SLF1: variants seen among roughly 807,000 people sequenced by gnomAD.
The protein encoded by SLF1 is SMC5-SMC6 complex localization factor protein 1.
SLF1 carries 105 observed loss-of-function variants against 123.0 expected under a neutral mutation model. The observed-to-expected ratio is 0.85, with a 90% CI of 0.73 to 1.00. The LOEUF (loss-of-function observed/expected upper bound fraction) is 1.00. Ranked by LOEUF, SLF1 falls within the 50% of genes least tolerant of loss-of-function variation. The pLI, the probability that SLF1 is intolerant of heterozygous loss-of-function variation, is 0.00. For missense variants in SLF1, 1,239 were observed against 1,223.0 expected (o/e 1.01, Z -0.20); for synonymous variants, 434 against 406.6 (o/e 1.07, Z -0.81).
chr5:94,620,204 T>C (rs1383744440), intron 1 of SLF1: 1 of 152,208 alleles, frequency 6.6e-6, no homozygotes. Flanking sequence ...TTAAAGGAAC[T>C]AGGATGTTCA....
intron 1 of SLF1, among the ~76,000 whole-genome samples, chr5:94,620,829 A>G (rs1791721153): frequency 6.6e-6 from 1 of 152,204 alleles, no homozygotes. Context: ...GGAACTTTTA[A>G]GTTCACTTAA....
rs1446562242 is a variant in SLF1, at chr5:94,670,685, A to AT, written c.1662-152dup. 5.9e-5 allele frequency among the ~76,000 whole-genome samples: 9 copies of AT among 151,846 alleles called. No individual in the cohort carries two copies. In the East Asian group the frequency reaches 1.7e-3, roughly 29 times the overall value. On this transcript the variant is annotated intron_variant, in intron 13 of 20. Coordinates refer to ENST00000265140, the MANE Select transcript of SLF1 (RefSeq NM_032290.4). ...TCAGTGACTTTATTGAACTGGGGCC[A>AT]TTTTTTATATTTTGTCCTTTATTAT...
chr5:94,651,053 A>G (rs1407242588), intron 6 of SLF1, among the ~76,000 whole-genome samples: 1 of 152,244 alleles, frequency 6.6e-6, no homozygotes, highest in Non-Finnish European at 1.5e-5. Flanking sequence ...TTATAGTCCC[A>G]TAAGATAATA....
intron 1 of SLF1, among the ~76,000 whole-genome samples, chr5:94,619,785 T>C (rs1585079067): frequency 1.3e-5 from 2 of 152,232 alleles, no homozygotes; most frequent in East Asian, 3.8e-4. Context: ...TTTGATTACG[T>C]ATATTGCAGG....
At position 94,663,856 on chromosome 5, in the gene SLF1, A is replaced by G. The variant is rs748502477; in HGVS notation, c.1316A>G (p.His439Arg). The G allele has an allele frequency of 9.0e-6, 14 of 1,550,826 alleles. No homozygotes were observed. The Middle Eastern group carries it at 1.2e-3, about 129-fold the overall frequency. ...GAGGAACTTTCCACTTTGCAGGCAC[A>G]TTATATCCCTCCTGTATGCGTTCTT... is the stretch of plus-strand genomic sequence containing the variant. ...AIEELSTLQA[H>R]YIPPVCVLHA... Residue 439 changes from histidine to arginine, a missense_variant, in exon 11 of 21, where the codon CAT becomes CGT. By Grantham distance (29) the His-to-Arg change is conservative (BLOSUM62 0). Transcript: ENST00000265140.
intron 15 of SLF1, among the ~76,000 whole-genome samples, chr5:94,683,687 C>T (rs1330275860): frequency 6.6e-6 from 1 of 151,974 alleles, no homozygotes; most frequent in African/African-American, 2.4e-5. Flanking sequence ...GGAAGAGAGG[C>T]CAGAATAAGG....
chr5:94,694,681 T>G, intron 20 of SLF1, 150 bp from the exon 21 acceptor site: 3 of 1,019,634 alleles, frequency 2.9e-6, no homozygotes, highest in Non-Finnish European at 4.1e-6. Flanking sequence ...TTCGTCTATA[T>G]ATATAGTCAG....
At chr5:94,686,440 A>G in intron 15 of SLF1, 133 bp from the exon 16 acceptor site, 3 of 978,116 alleles carry the variant, frequency 3.1e-6, no homozygotes, top group Non-Finnish European at 4.5e-6. Flanking sequence ...TTTGTGGATT[A>G]AAATCATGTG....
chr5:94,657,163 T>C (rs1023172585), intron 9 of SLF1, among the ~76,000 whole-genome samples: 1 of 151,770 alleles, frequency 6.6e-6, no homozygotes, highest in Non-Finnish European at 1.5e-5. Context: ...CTTTCTACTT[T>C]TTAGATATTA....
intron 9 of SLF1, among the ~76,000 whole-genome samples, chr5:94,659,328 T>C (rs1483913135): frequency 6.6e-6 from 1 of 152,200 alleles, no homozygotes; most frequent in African/African-American, 2.4e-5. Context: ...TTTTAGGAAT[T>C]TCATTGGTTT....
chr5:94,641,906 C>T (rs1746493521), intron 4 of SLF1, among the ~76,000 whole-genome samples: 2 of 152,286 alleles, frequency 1.3e-5, no homozygotes, highest in African/African-American at 4.8e-5. Context: ...AGTATTAGAT[C>T]TCTCTTGTGT....
intron 10 of SLF1, 74 bp from the exon 11 acceptor site, chr5:94,663,676 T>A: frequency 8.7e-7 from 1 of 1,149,452 alleles, no homozygotes; most frequent in Non-Finnish European, 1.2e-6. Context: ...AATAATAAAT[T>A]CTTACTAATT....
rs974169404 is a variant in SLF1, at chr5:94,621,636, G to A, written c.-1+2871G>A. Among the ~76,000 whole-genome samples, 6 of 152,010 alleles carry A rather than the reference G, an allele frequency of 3.9e-5. No homozygotes were observed. In the East Asian group the frequency reaches 7.7e-4, roughly 19 times the overall value. On this transcript the variant is annotated intron_variant, in intron 1 of 20. Coordinates refer to ENST00000265140, the MANE Select transcript of SLF1 (RefSeq NM_032290.4). Reference sequence around the variant, plus strand: ...GCTTCCTTAAGGACTCCTTCATCCCGAAATTAACATCTGCCCAGCCTGTGC... The same window carrying A: ...GCTTCCTTAAGGACTCCTTCATCCCAAAATTAACATCTGCCCAGCCTGTGC...
rs1370355256 is a variant in SLF1 at position 94,670,970 on chromosome 5, A to G, written c.1789A>G (p.Thr597Ala). The change falls in exon 14 of 21, where the codon ACT (threonine) becomes GCT (alanine). Residue 597 changes from threonine to alanine, a missense_variant. Coordinates refer to ENST00000265140, the MANE Select transcript of SLF1 (RefSeq NM_032290.4). ...TKPVNMLLEWTIYSHKEKFKS... is the reference protein window; with the variant it reads ...TKPVNMLLEWAIYSHKEKFKS... ...ACCAGTAAATATGCTTTTGGAATGG[A>G]CTATATATTCTCACAAGGAAAAATT... The G allele has an allele frequency of 1.9e-6, 3 of 1,548,876 alleles. No individual in the cohort carries two copies. The highest frequency in any genetic ancestry group is 1.2e-5 in the South Asian group (1 of 83,818).
chr5:94,634,656 T>G (rs1021124582), intron 4 of SLF1, among the ~76,000 whole-genome samples: 1 of 152,222 alleles, frequency 6.6e-6, no homozygotes, highest in Non-Finnish European at 1.5e-5. Context: ...GATAGCTCTT[T>G]AACATACTGG....
chr5:94,660,518 C>T (rs1033935630), intron 9 of SLF1, among the ~76,000 whole-genome samples: 8 of 152,186 alleles, frequency 5.3e-5, no homozygotes, highest in African/African-American at 1.9e-4. Context: ...CCTCAGGCCC[C>T]CCGATAGCTC....
intron 14 of SLF1, 80 bp downstream of exon 14, chr5:94,671,088 C>A: frequency 9.8e-7 from 1 of 1,015,408 alleles, no homozygotes; most frequent in Non-Finnish European, 1.4e-6. Flanking sequence ...CCTCTTTATT[C>A]TTTGGATCAC....
chr5:94,691,481 A>G, intron 18 of SLF1, 83 bp from the exon 19 acceptor site: 1 of 994,680 alleles, frequency 1.0e-6, no homozygotes, highest in Non-Finnish European at 1.4e-6. Flanking sequence ...ATGGGGCCAG[A>G]TCTCCTAGTT....
chr5:94,644,824 C>G (rs988163659), intron 5 of SLF1, among the ~76,000 whole-genome samples: 1 of 152,106 alleles, frequency 6.6e-6, no homozygotes, highest in Admixed American at 6.6e-5. Context: ...CCATGTAGAC[C>G]AAAAGCTCCT....
Sources: allele counts gnomAD v4.1 joint callset (sites outside exome capture counted in the v4.1 genomes callset), GRCh38; gene constraint gnomAD v4.1.1; transcripts MANE v1.5; gene names NCBI Gene and HGNC (gene_info 2026-07-23, HGNC 2026-07-21).